Variants in NOL10 observed in about 807,000 individuals in gnomAD.
The protein encoded by NOL10 is H_NH0074G24.1.
In NOL10, 58 loss-of-function variants were observed where a neutral mutation model predicts 103.5. That is an observed-to-expected ratio of 0.56 (90% CI 0.45 to 0.70). The LOEUF (loss-of-function observed/expected upper bound fraction) is 0.70, where lower values mean the gene tolerates loss of function less well. Among genes scored for constraint, NOL10 ranks in the 30% least tolerant of loss-of-function variants. The probability of loss-of-function intolerance (pLI) is 0.00; values close to 1 mark genes in which losing one functional copy is unlikely to be tolerated. For missense variants in NOL10, 763 were observed against 807.3 expected, an observed-to-expected ratio of 0.95 and a Z score of 0.67; for synonymous variants, 287 against 282.5, an observed-to-expected ratio of 1.02 and a Z score of -0.16.
chr2:10,600,051 A>T (rs1191862861), intron 17 of NOL10, among the ~76,000 whole-genome samples: 1 of 152,046 alleles, frequency 6.6e-6, no homozygotes, highest in Non-Finnish European at 1.5e-5. Flanking sequence ...CAGCTGGCCC[A>T]AAACTACAAG....
In NOL10 at chr2:10,689,897, TC is replaced by T. The variant is rs775486098; in HGVS notation, c.-37del. On this transcript the variant is annotated 5_prime_UTR_variant, in exon 1 of 21. Coordinates refer to ENST00000381685, the MANE Select transcript of NOL10 (RefSeq NM_024894.4). ...AACACTGTTCAAGTCCCGGGTCCTTTCCCACCAGCGTGCTCGAGCACCGTAA... is the reference window on the plus strand; with the variant it reads ...AACACTGTTCAAGTCCCGGGTCCTTTCCACCAGCGTGCTCGAGCACCGTAA... 3.8e-6 allele frequency: 6 copies of T among 1,579,186 alleles called. No individual in the cohort carries two copies. Among genetic ancestry groups the T allele is most frequent in the Non-Finnish European group, 4.3e-6 (5 of 1,161,396 alleles).
At chr2:10,685,756 T>C (rs200247536) in intron 1 of NOL10, among the ~76,000 whole-genome samples, 12 of 151,768 alleles carry the variant, frequency 7.9e-5, no homozygotes, top group East Asian at 7.8e-4. Context: ...GGTATAGCAG[T>C]AGTAAATAAA....
intron 13 of NOL10, among the ~76,000 whole-genome samples, chr2:10,635,525 G>A (rs1463244307): frequency 6.6e-6 from 1 of 152,186 alleles, no homozygotes; most frequent in East Asian, 1.9e-4. Flanking sequence ...CTACACAGAA[G>A]AAGGGGGCTG....
At chr2:10,600,800 A>T (rs1010981208) in intron 17 of NOL10, 53 bp downstream of exon 17, 1 of 1,135,082 alleles carries the variant, frequency 8.8e-7, no homozygotes, top group African/African-American at 1.6e-5. Context: ...AAAAAGATGT[A>T]AGTTACTATC....
Position 10,659,233 on chromosome 2 carries a change from G to A in NOL10, c.695C>T (p.Thr232Ile), listed in dbSNP as rs1414972272. The part of the protein sequence containing the change: ...TADSEINSLP[T>I]ISALKFNGAL... Reference sequence around the variant, plus strand: ...ACCATTAAATTTCAAAGCAGAGATTGTTGGTAAACTGTTTATCCTGAAAAG... The same window carrying A: ...ACCATTAAATTTCAAAGCAGAGATTATTGGTAAACTGTTTATCCTGAAAAG... Residue 232 changes from threonine to isoleucine, a missense_variant, in exon 10 of 21, where the codon ACA becomes ATA. Coordinates refer to ENST00000381685, the MANE Select transcript of NOL10 (RefSeq NM_024894.4). The A allele has an allele frequency of 1.9e-6, 3 of 1,592,710 alleles. No individual in the cohort carries two copies. The highest frequency in any genetic ancestry group is 1.7e-6 in the Non-Finnish European group (2 of 1,168,206).
At chr2:10,605,474 T>C (rs943397487) in intron 14 of NOL10, among the ~76,000 whole-genome samples, 8 of 152,242 alleles carry the variant, frequency 5.3e-5, no homozygotes, top group African/African-American at 1.4e-4. Flanking sequence ...AAGATATTAG[T>C]AATATACATA....
intron 6 of NOL10, among the ~76,000 whole-genome samples, chr2:10,670,761 A>G (rs1400356419): frequency 6.6e-6 from 1 of 151,380 alleles, no homozygotes; most frequent in Non-Finnish European, 1.5e-5. Flanking sequence ...ACAAACAAAC[A>G]AAAAAAACAG....
chr2:10,571,033 T>C lies in NOL10; in HGVS notation c.*1038A>G, dbSNP rs1192693436. The C allele has an allele frequency of 6.6e-6, 1 of 152,164 alleles. No individual in the cohort carries two copies. Among genetic ancestry groups the C allele is most frequent in the Non-Finnish European group, 1.5e-5 (1 of 68,046 alleles). 9.4% of individuals were successfully genotyped at this position (152,164 alleles called of 1,614,324 possible). A position where few individuals can be genotyped will look rare whatever the true frequency, so the allele number is the denominator to read the frequency against. ...TAGTCAAGTATCCCAAATCTGAAAA[T>C]CCAAAACCTGAAAAGCTCTAATGAG... On this transcript the variant is annotated 3_prime_UTR_variant, in exon 21 of 21. Coordinates refer to ENST00000381685, the MANE Select transcript of NOL10 (RefSeq NM_024894.4).
chr2:10,611,153 C>T (rs1259972330), intron 13 of NOL10, among the ~76,000 whole-genome samples: 1 of 152,188 alleles, frequency 6.6e-6, no homozygotes, highest in African/African-American at 2.4e-5. Context: ...ACTGATTCAT[C>T]AGATTGCTAG....
chr2:10,656,692 C>T (rs1409348372), intron 11 of NOL10, among the ~76,000 whole-genome samples: 1 of 152,240 alleles, frequency 6.6e-6, no homozygotes, highest in Non-Finnish European at 1.5e-5. Context: ...ACGGAATAGA[C>T]GGGCACTTGC....
At chr2:10,645,905 T>C (rs549915356) in intron 12 of NOL10, among the ~76,000 whole-genome samples, 109 of 149,234 alleles carry the variant, frequency 7.3e-4, no homozygotes, top group Non-Finnish European at 1.4e-3. Context: ...GACCAACAGG[T>C]CACCAAAAAT....
chr2:10,685,646 C>A (rs1682144543), intron 1 of NOL10, among the ~76,000 whole-genome samples: 1 of 151,960 alleles, frequency 6.6e-6, no homozygotes. Flanking sequence ...AAAATCGTAG[C>A]CCCAAGTCAA....
rs531990647 is a variant in NOL10 at position 10,607,293 on chromosome 2, G to C, written c.1045C>G (p.Arg349Gly). 6.2e-7 allele frequency: 1 copy of C among 1,604,478 alleles called. No individual in the cohort carries two copies. The change falls in exon 14 of 21, where the codon CGG becomes GGG. Residue 349 changes from arginine (R) to glycine (G), a missense_variant. Physicochemically the swap from Arg to Gly is moderately radical, Grantham distance 125 (BLOSUM62 -2). Transcript: ENST00000381685. Reference protein sequence around the residue: ...YYIPVLGPAPRWCSFLDNLTE... With the variant: ...YYIPVLGPAPGWCSFLDNLTE... ...AAGTTGTCTAAGAAGGAACACCACC[G>C]AGGAGCAGGACCCAAAACCTGTTGG... is the stretch of plus-strand genomic sequence containing the variant.
At chr2:10,590,580 C>T (rs1479471290) in intron 17 of NOL10, among the ~76,000 whole-genome samples, 4 of 27,474 alleles carry the variant, frequency 1.5e-4, no homozygotes, top group South Asian at 1.3e-3. Flanking sequence ...ACAGAAGGGA[C>T]GTTTCCATCC....
chr2:10,574,825 C>T (rs1344524435), intron 20 of NOL10, among the ~76,000 whole-genome samples: 1 of 152,196 alleles, frequency 6.6e-6, no homozygotes. Context: ...CTTCCAGAGT[C>T]ACCATTTACA....
At chr2:10,595,440 G>C (rs1430867846) in intron 17 of NOL10, among the ~76,000 whole-genome samples, 11 of 152,128 alleles carry the variant, frequency 7.2e-5, no homozygotes, top group Admixed American at 7.2e-4. Flanking sequence ...GAGTAGCTGG[G>C]ACCACAGGCA....
intron 13 of NOL10, chr2:10,622,251 T>C (rs1211753480): frequency 6.6e-6 from 3 of 457,368 alleles, no homozygotes; most frequent in Non-Finnish European, 1.4e-5. Context: ...AAAAGAGAGC[T>C]TGATTTACGT....
intron 12 of NOL10, among the ~76,000 whole-genome samples, chr2:10,653,263 T>C (rs1679603914): frequency 6.6e-6 from 1 of 151,766 alleles, no homozygotes; most frequent in African/African-American, 2.4e-5. Context: ...ACACCTAGTA[T>C]AAGGTCAAGG....
At chr2:10,621,519 C>T (rs12476022) in intron 13 of NOL10, among the ~76,000 whole-genome samples, 32,618 of 151,926 alleles carry the variant, frequency 0.21, 4,577 homozygotes, top group East Asian at 0.44. Context: ...ACTTGAACCC[C>T]GGAATTCAAG....
Sources: allele counts gnomAD v4.1 joint callset (sites outside exome capture counted in the v4.1 genomes callset), GRCh38; gene constraint gnomAD v4.1.1; transcripts MANE v1.5; gene names NCBI Gene and HGNC (gene_info 2026-07-23, HGNC 2026-07-21).